The following RBFOX1 variants were observed in gnomAD, a reference collection of about 807,000 sequenced individuals.
RBFOX1 encodes the protein RNA binding fox-1 homolog 1, also known as RNA binding protein fox-1 homolog 1.
Under a neutral mutation model 57.7 loss-of-function variants are expected in RBFOX1, and 8 were observed. The ratio of observed to expected loss-of-function variants is 0.14; its 90% CI spans 0.08 to 0.25. RBFOX1 has a LOEUF of 0.25. Among genes scored for constraint, RBFOX1 ranks in the 10% least tolerant of loss-of-function variants. The pLI is 1.00. For missense variants in RBFOX1, 611 were observed against 548.5 expected (o/e 1.11, Z -1.14); for synonymous variants, 326 against 222.4 (o/e 1.47, Z -4.15).
At chr16:5,464,166 C>T (rs544203528) in intron 1 of RBFOX1, among the ~76,000 whole-genome samples, 1 of 152,218 alleles carries the variant, frequency 6.6e-6, no homozygotes, top group East Asian at 1.9e-4. Context: ...TGGGCTTGGG[C>T]TGTGTGGAGT....
At chr16:7,675,780 C>T (rs117257728) in intron 13 of RBFOX1, among the ~76,000 whole-genome samples, 3 of 152,286 alleles carry the variant, frequency 2.0e-5, no homozygotes, top group Non-Finnish European at 4.4e-5. Flanking sequence ...ATGGTGAGGA[C>T]ACTTACCTCA....
At chr16:6,126,357 T>A (rs933155009) in intron 1 of RBFOX1, among the ~76,000 whole-genome samples, 2 of 152,258 alleles carry the variant, frequency 1.3e-5, no homozygotes, top group African/African-American at 2.4e-5. Flanking sequence ...GCAGTCATCA[T>A]AGCTAATAGT....
chr16:6,639,031 C>G (rs1225488363), intron 2 of RBFOX1, among the ~76,000 whole-genome samples: 1 of 152,186 alleles, frequency 6.6e-6, no homozygotes, highest in Non-Finnish European at 1.5e-5. Flanking sequence ...TCCAAGGAGA[C>G]CTGTGGCCCC....
In RBFOX1 at chr16:6,943,569, G is replaced by A. The variant is rs988544501; in HGVS notation, c.-15-108488G>A. 1.1e-3 allele frequency among the ~76,000 whole-genome samples: 163 copies of A among 152,082 alleles called. 1 individual carries two copies. The highest frequency in any genetic ancestry group is 5.4e-3 in the Admixed American group (83 of 15,282). ...TAAAAATACAAAAAATTAGCCAGGC[G>A]CGGTGGCGGGTGCCTGTAGTCCCAG... On this transcript the variant is annotated intron_variant, in intron 3 of 15. Coordinates refer to ENST00000550418, the MANE Select transcript of RBFOX1 (RefSeq NM_018723.4).
chr16:6,077,271 G>T (rs2095917237), intron 1 of RBFOX1, among the ~76,000 whole-genome samples: 1 of 152,120 alleles, frequency 6.6e-6, no homozygotes, highest in Admixed American at 6.6e-5. Context: ...TGACATGGCA[G>T]CTTGGCCAGG....
chr16:7,295,664 A>C (rs1254663888), intron 4 of RBFOX1, among the ~76,000 whole-genome samples: 2 of 152,086 alleles, frequency 1.3e-5, no homozygotes, highest in South Asian at 4.1e-4. Context: ...ACTGCTCACT[A>C]CAGGTGTACT....
intron 5 of RBFOX1, among the ~76,000 whole-genome samples, chr16:7,519,282 G>A (rs2077030851): frequency 6.6e-6 from 1 of 152,146 alleles, no homozygotes; most frequent in Non-Finnish European, 1.5e-5. Context: ...CATCCAGGTT[G>A]CGGTGTTTGT....
At chr16:5,519,053 A>G (rs529122288) in intron 2 of RBFOX1, among the ~76,000 whole-genome samples, 2 of 152,326 alleles carry the variant, frequency 1.3e-5, no homozygotes, top group South Asian at 2.1e-4. Context: ...ACTGTGTGGC[A>G]CAGGGAGAAG....
chr16:6,709,074 C>G (rs886511676), intron 3 of RBFOX1, among the ~76,000 whole-genome samples: 6 of 151,900 alleles, frequency 3.9e-5, no homozygotes, highest in East Asian at 1.9e-4. Context: ...CACCATATAT[C>G]TCAAGCACAG....
At chr16:7,375,910 C>A (rs1036237635) in intron 4 of RBFOX1, among the ~76,000 whole-genome samples, 1 of 152,088 alleles carries the variant, frequency 6.6e-6, no homozygotes. Flanking sequence ...ACCTTGTGCC[C>A]ACGTCCTGCC....
At chr16:5,887,139 G>A (rs1380866134) in intron 4 of RBFOX1, among the ~76,000 whole-genome samples, 1 of 152,132 alleles carries the variant, frequency 6.6e-6, no homozygotes, top group Non-Finnish European at 1.5e-5. Context: ...AGAAGGAGGT[G>A]AGGAGTAACT....
chr16:6,748,464 C>A (rs370709277), intron 3 of RBFOX1, among the ~76,000 whole-genome samples: 80 of 152,182 alleles, frequency 5.3e-4, no homozygotes, highest in African/African-American at 1.9e-3. Flanking sequence ...AGTTCAAGAC[C>A]AGCCTGGGCA....
chr16:7,117,867 G>A (rs989389398), intron 4 of RBFOX1, among the ~76,000 whole-genome samples: 2 of 152,164 alleles, frequency 1.3e-5, no homozygotes, highest in African/African-American at 4.8e-5. Context: ...GATTCATTTT[G>A]TTGTAGCTGC....
At chr16:7,364,116 C>T (rs975005989) in intron 4 of RBFOX1, among the ~76,000 whole-genome samples, 1 of 152,138 alleles carries the variant, frequency 6.6e-6, no homozygotes, top group Non-Finnish European at 1.5e-5. Context: ...ATTAGGAATC[C>T]ATCTCTCCCT....
intron 1 of RBFOX1, among the ~76,000 whole-genome samples, chr16:5,285,777 T>C (rs1000056545): frequency 6.6e-6 from 1 of 152,148 alleles, no homozygotes; most frequent in Non-Finnish European, 1.5e-5. Context: ...TTTTTTTTTG[T>C]TGTTGTCGTT....
chr16:6,217,193 G>A (rs902926563), intron 1 of RBFOX1, among the ~76,000 whole-genome samples: 1 of 28,090 alleles, frequency 3.6e-5, no homozygotes, highest in Non-Finnish European at 7.4e-5. Context: ...TTTTTTTTTT[G>A]TAGAATTCGT....
intron 4 of RBFOX1, among the ~76,000 whole-genome samples, chr16:7,504,723 A>ATT (rs1455563224): frequency 0.081 from 491 of 6,038 alleles, 12 homozygotes; most frequent in Non-Finnish European, 0.16. Context: ...ATATATATAT[A>ATT]TATATATATA....
intron 1 of RBFOX1, among the ~76,000 whole-genome samples, chr16:5,328,015 G>T (rs1036082740): frequency 6.6e-6 from 1 of 152,184 alleles, no homozygotes; most frequent in Non-Finnish European, 1.5e-5. Flanking sequence ...AAGACCCCGT[G>T]TAGTGACTGA....
chr16:6,193,398 A>ATATATAT, intron 1 of RBFOX1, among the ~76,000 whole-genome samples: 1 of 62,860 alleles, frequency 1.6e-5, no homozygotes, highest in East Asian at 3.7e-4. Flanking sequence ...TATACTATAT[A>ATATATAT]TATATATATA....
Sources: gnomAD v4.1 joint callset for allele counts (sites outside exome capture counted in the v4.1 genomes callset) on GRCh38, gnomAD v4.1.1 for gene constraint, MANE v1.5 for transcripts, NCBI Gene and HGNC (gene_info 2026-07-23, HGNC 2026-07-21) for gene names.